Variants in ZNF638 observed in about 807,000 individuals in gnomAD.
ZNF638 encodes the protein CTCL tumor antigen se33-1.
In ZNF638, 46 loss-of-function variants were observed where a neutral mutation model predicts 195.6. The observed-to-expected ratio is 0.24, with a 90% CI of 0.19 to 0.30. The LOEUF is 0.30. Ranked by LOEUF, ZNF638 falls within the 10% of genes least tolerant of loss-of-function variation. ZNF638 has a pLI of 1.00. For synonymous variants in ZNF638, 845 were observed against 772.0 expected, an observed-to-expected ratio of 1.09 and a Z score of -1.57; for missense variants, 2,440 against 2,325.3, an observed-to-expected ratio of 1.05 and a Z score of -1.01.
chr2:71,385,142 T>C (rs1164143171), intron 10 of ZNF638, among the ~76,000 whole-genome samples: 1 of 152,194 alleles, frequency 6.6e-6, no homozygotes, highest in Non-Finnish European at 1.5e-5. Context: ...TAGCACCAAA[T>C]GCTGATGAGT....
chr2:71,343,134 C>T (rs1449547127), intron 1 of ZNF638, among the ~76,000 whole-genome samples: 3 of 152,132 alleles, frequency 2.0e-5, no homozygotes, highest in Non-Finnish European at 4.4e-5. Flanking sequence ...TTCCAGAAAT[C>T]CTTTTCTGAT....
At chr2:71,425,530 G>T (rs1447447415) in intron 23 of ZNF638, among the ~76,000 whole-genome samples, 1 of 152,010 alleles carries the variant, frequency 6.6e-6, no homozygotes, top group Non-Finnish European at 1.5e-5. Context: ...GCCCTGGTAG[G>T]AATTTATCTT....
rs551949354 is a variant in ZNF638 at position 71,345,747 on chromosome 2, C to T, written c.-202-3006C>T. Among the ~76,000 whole-genome samples the T allele has an allele frequency of 1.1e-4, 16 of 152,286 alleles. No individual in the cohort carries two copies. The South Asian group carries it at 1.7e-3, about 16-fold the overall frequency. On this transcript the variant is annotated intron_variant, in intron 1 of 27. Coordinates refer to ENST00000264447, the MANE Select transcript of ZNF638 (RefSeq NM_014497.5). ...CTTGAACCCCTGGGCTCAGAGCAGT[C>T]GGCCTGCCTTGGCCTCCCAAAGTGC...
intron 1 of ZNF638, among the ~76,000 whole-genome samples, chr2:71,333,608 A>G (rs2078611779): frequency 6.6e-6 from 1 of 152,172 alleles, no homozygotes. Context: ...ATCTCCGGAA[A>G]TTTTGTTTTT....
chr2:71,363,385 C>A (rs1353697321), intron 4 of ZNF638, among the ~76,000 whole-genome samples, 194 bp downstream of exon 4: 1 of 152,120 alleles, frequency 6.6e-6, no homozygotes, highest in Non-Finnish European at 1.5e-5. Flanking sequence ...CTTTCTTTAG[C>A]CTGTTCTGAA....
At chr2:71,417,656 C>G (rs1424432825) in intron 20 of ZNF638, among the ~76,000 whole-genome samples, 1 of 150,490 alleles carries the variant, frequency 6.6e-6, no homozygotes, top group African/African-American at 2.4e-5. Flanking sequence ...TGATACCATG[C>G]AGGGTTTTTT....
intron 20 of ZNF638, among the ~76,000 whole-genome samples, chr2:71,417,419 G>A (rs1239129235): frequency 1.3e-5 from 2 of 151,952 alleles, no homozygotes; most frequent in East Asian, 3.9e-4. Context: ...AGATGGAAAT[G>A]CAGAAATCAC....
intron 3 of ZNF638, chr2:71,361,632 T>C (rs766027647): frequency 3.9e-5 from 6 of 152,180 alleles, no homozygotes; most frequent in Non-Finnish European, 8.8e-5. Flanking sequence ...AGTTAACTTT[T>C]TTGTCTTCAC....
chr2:71,362,421 A>C lies in ZNF638; in HGVS notation c.1380-732A>C, dbSNP rs76085369. Among the ~76,000 whole-genome samples the C allele has an allele frequency of 3.2e-4, 48 of 152,092 alleles. No individual in the cohort carries two copies. In the East Asian group the frequency reaches 9.1e-3, roughly 29 times the overall value. On this transcript the variant is annotated intron_variant, in intron 3 of 27. Coordinates refer to ENST00000264447, the MANE Select transcript of ZNF638 (RefSeq NM_014497.5). ...AACATTCCTGTTATCTTCTCTTACA[A>C]ATGTTCGTTAAGTTCCCATTGTTTT...
Position 71,349,368 on chromosome 2 carries a change from G to C in ZNF638, c.414G>C (p.Glu138Asp), listed in dbSNP as rs776123680. The C allele has an allele frequency of 6.2e-7, 1 of 1,614,152 alleles. No homozygotes were observed. Among genetic ancestry groups the C allele is most frequent in the Non-Finnish European group, 8.5e-7 (1 of 1,180,030 alleles). ...AAGTACAGAGCCGCTATACAAAAGA[G>C]AGTGCCTCAAGTATCTTAGCAAGTT... Reference protein sequence around the residue: ...SPKVQSRYTKESASSILASFG... With the variant: ...SPKVQSRYTKDSASSILASFG... Residue 138 changes from glutamate (E) to aspartate (D), a missense_variant, in exon 2 of 28, where the codon GAG becomes GAC. By Grantham distance (45) the Glu-to-Asp change is conservative (BLOSUM62 2). This residue lies in a region of ZNF638 where 191 missense variants were observed against 173.8 expected (regional missense o/e 1.10). Transcript: ENST00000264447.
rs2080481815 is a variant in ZNF638 at position 71,423,941 on chromosome 2, G to A, written c.4427G>A (p.Gly1476Asp). 1 of 1,613,880 alleles carries A rather than the reference G, an allele frequency of 6.2e-7. No homozygotes were observed. The highest frequency in any genetic ancestry group is 1.1e-5 in the South Asian group (1 of 91,080). The change falls in exon 22 of 28, where the codon GGC (glycine) becomes GAC (aspartate). Residue 1476 changes from glycine to aspartate, a missense_variant. Gly to Asp is a moderately conservative substitution (Grantham distance 94, BLOSUM62 -1). Around this residue, in one of 5 missense-constraint regions of ZNF638, gnomAD observed 1,883 missense variants for 1,739.1 expected, o/e 1.08. Transcript: ENST00000264447. ...AGTGGAAGGATCTCAGCCCTGCAAG[G>A]CAAGCTTTCTAAACTGGATTACAGA... ...GGSGRISALQ[G>D]KLSKLDYRDI... is the part of the protein sequence containing the mutation.
At position 71,400,106 on chromosome 2, in the gene ZNF638, A is replaced by T. The variant is rs764640128; in HGVS notation, c.2588-6A>T. 25 of 1,599,576 alleles carry T rather than the reference A, an allele frequency of 1.6e-5. No individual in the cohort carries two copies. The highest frequency in any genetic ancestry group is 2.0e-5 in the Non-Finnish European group (23 of 1,174,488). ...CTAGACTATTAAAGCAGACTATTTC[A>T]TGCAGAAAACTCTGAAATAAAGACC... On this transcript the variant is annotated splice_polypyrimidine_tract_variant and splice_region_variant and intron_variant, in intron 13 of 27. Coordinates refer to ENST00000264447, the MANE Select transcript of ZNF638 (RefSeq NM_014497.5).
At chr2:71,361,838 AG>A (rs1324159260) in intron 3 of ZNF638, 4 of 152,130 alleles carry the variant, frequency 2.6e-5, no homozygotes, top group African/African-American at 9.7e-5. Flanking sequence ...ATTGTAATAA[AG>A]GCAAACAAGG....
chr2:71,346,292 G>A (rs1424581026), intron 1 of ZNF638, among the ~76,000 whole-genome samples: 1 of 152,188 alleles, frequency 6.6e-6, no homozygotes, highest in Non-Finnish European at 1.5e-5. Flanking sequence ...TTAGGATTGG[G>A]TGAAGACAGT....
intron 21 of ZNF638, among the ~76,000 whole-genome samples, chr2:71,419,843 C>A (rs1322663234): frequency 6.6e-6 from 1 of 151,242 alleles, no homozygotes; most frequent in African/African-American, 2.4e-5. Context: ...GGTCATTGTT[C>A]TCCTCTCATT....
chr2:71,363,878 G>T (rs1463764545), intron 4 of ZNF638, 76 bp from the exon 5 acceptor site: 1 of 1,491,348 alleles, frequency 6.7e-7, no homozygotes, highest in Non-Finnish European at 9.0e-7. Flanking sequence ...TTTTAACAAG[G>T]TACTTCTGTC....
intron 1 of ZNF638, among the ~76,000 whole-genome samples, chr2:71,347,537 T>C (rs2078870917): frequency 6.6e-6 from 1 of 152,212 alleles, no homozygotes; most frequent in African/African-American, 2.4e-5. Context: ...TGTTGATGTT[T>C]ATAACAATTG....
At position 71,348,931 on chromosome 2, in the gene ZNF638, AAT is replaced by A. The variant is rs2078898151; in HGVS notation, c.-23_-22del. 6.2e-7 allele frequency: 1 copy of A among 1,614,160 alleles called. No homozygotes were observed. The highest frequency in any genetic ancestry group is 8.5e-7 in the Non-Finnish European group (1 of 1,180,024). ...TTCAACACCACCTTATACTTTATTA[AAT>A]CAGGCTTTCTTGAAAATAGCCATGT... On this transcript the variant is annotated 5_prime_UTR_variant, in exon 2 of 28. Transcript: ENST00000264447.
rs369939880 is a variant in ZNF638 at position 71,368,385 on chromosome 2, C to T, written c.1999C>T (p.Arg667Trp). The T allele has an allele frequency of 5.2e-5, 84 of 1,605,888 alleles. No individual in the cohort carries two copies. Among genetic ancestry groups the T allele is most frequent in the South Asian group, 8.9e-5 (8 of 89,726 alleles). ...DKAVSLQRKL[R>W]KEQSLHYGSV... ...TTTTCTTTCACTCCAAAAATAGCTTCGGAAAGAACAGTCATTGCATTATGG... is the reference window on the plus strand; with the variant it reads ...TTTTCTTTCACTCCAAAAATAGCTTTGGAAAGAACAGTCATTGCATTATGG... The change falls in exon 7 of 28, where the codon CGG (arginine) becomes TGG (tryptophan). Residue 667 changes from arginine to tryptophan, a missense_variant. Arg to Trp is a moderately radical substitution (Grantham distance 101, BLOSUM62 -3). Around this residue, in one of 5 missense-constraint regions of ZNF638, gnomAD observed 1,883 missense variants for 1,739.1 expected, o/e 1.08. Transcript: ENST00000264447.
Sources: allele counts gnomAD v4.1 joint callset (sites outside exome capture counted in the v4.1 genomes callset), GRCh38; gene constraint gnomAD v4.1.1; regional missense constraint gnomAD v4.1.1; transcripts MANE v1.5; gene names NCBI Gene and HGNC (gene_info 2026-07-23, HGNC 2026-07-21).